Variants in CNTNAP2 observed in about 807,000 individuals in gnomAD.
CNTNAP2 encodes contactin associated protein 2.
CNTNAP2 carries 98 observed loss-of-function variants against 155.2 expected under a neutral mutation model. The observed-to-expected ratio is 0.63, with a 90% CI of 0.54 to 0.75. The LOEUF is 0.75. Among genes scored for constraint, CNTNAP2 ranks in the 30% least tolerant of loss-of-function variants. The probability of loss-of-function intolerance (pLI) is 0.00; values close to 1 mark genes in which losing one functional copy is unlikely to be tolerated. For missense variants in CNTNAP2, 1,727 were observed against 1,688.1 expected (o/e 1.02, Z -0.40); for synonymous variants, 651 against 631.2 (o/e 1.03, Z -0.47).
At chr7:146,382,421 C>A (rs1449004671) in intron 1 of CNTNAP2, among the ~76,000 whole-genome samples, 1 of 152,106 alleles carries the variant, frequency 6.6e-6, no homozygotes, top group Admixed American at 6.5e-5. Flanking sequence ...TGTGCTATTT[C>A]ATTTTTATCT....
intron 8 of CNTNAP2, among the ~76,000 whole-genome samples, chr7:147,291,196 C>T (rs948841346): frequency 2.0e-5 from 3 of 151,608 alleles, no homozygotes; most frequent in Non-Finnish European, 2.9e-5. Flanking sequence ...ATACATGTGC[C>T]GAACGTACAG....
intron 21 of CNTNAP2, among the ~76,000 whole-genome samples, chr7:148,308,904 A>G (rs1166472908): frequency 2.0e-5 from 3 of 151,982 alleles, no homozygotes; most frequent in Non-Finnish European, 4.4e-5. Context: ...AAGGACGTGA[A>G]CTCATCCTTT....
intron 1 of CNTNAP2, among the ~76,000 whole-genome samples, chr7:146,407,477 T>G (rs540862793): frequency 2.0e-5 from 3 of 152,284 alleles, no homozygotes; most frequent in African/African-American, 7.2e-5. Flanking sequence ...ACTGTTATAG[T>G]GTATTACTGT....
At chr7:148,014,275 A>G (rs1257653837) in intron 15 of CNTNAP2, 1 of 84,002 alleles carries the variant, frequency 1.2e-5, no homozygotes, top group Non-Finnish European at 2.4e-5. Flanking sequence ...GCAAGTAAAC[A>G]TAAAAAAAAA....
chr7:146,534,153 T>C (rs941263924), intron 1 of CNTNAP2, among the ~76,000 whole-genome samples: 2 of 152,072 alleles, frequency 1.3e-5, no homozygotes, highest in African/African-American at 2.4e-5. Flanking sequence ...AAACAGTCTG[T>C]ATAGGAGAAA....
intron 13 of CNTNAP2, among the ~76,000 whole-genome samples, chr7:147,795,047 A>G (rs1345025985): frequency 1.3e-5 from 2 of 151,646 alleles, no homozygotes; most frequent in African/African-American, 4.8e-5. Flanking sequence ...AGTTTTGATT[A>G]TGTTAACTAT....
At position 148,195,367 on chromosome 7, in the gene CNTNAP2, GA is replaced by G. The variant is rs531494008; in HGVS notation, c.3011-21914del. ...TTTTTCATGTGAGTTTTCCATCTCTGAAAAAAATAGGAAAAGAAAAGACAAG... is the reference window on the plus strand; with the variant it reads ...TTTTTCATGTGAGTTTTCCATCTCTGAAAAAATAGGAAAAGAAAAGACAAG... On this transcript the variant is annotated intron_variant, in intron 18 of 23. Coordinates refer to ENST00000361727, the MANE Select transcript of CNTNAP2 (RefSeq NM_014141.6). Among the ~76,000 whole-genome samples the G allele has an allele frequency of 3.9e-4, 59 of 152,124 alleles. No homozygotes were observed. In the South Asian group the frequency reaches 5.2e-3, roughly 13 times the overall value.
intron 1 of CNTNAP2, among the ~76,000 whole-genome samples, chr7:146,133,989 G>A (rs1286851431): frequency 2.0e-5 from 3 of 149,738 alleles, no homozygotes; most frequent in Non-Finnish European, 3.0e-5. Context: ...CATTGAATCT[G>A]TAAATTACCT....
At chr7:147,850,443 G>T (rs982033373) in intron 13 of CNTNAP2, among the ~76,000 whole-genome samples, 8 of 152,158 alleles carry the variant, frequency 5.3e-5, no homozygotes, top group African/African-American at 1.9e-4. Context: ...AACCAAAAAA[G>T]AGCCCGCATT....
intron 1 of CNTNAP2, among the ~76,000 whole-genome samples, chr7:146,516,753 A>C (rs758467631): frequency 3.8e-4 from 57 of 151,964 alleles, no homozygotes; most frequent in Non-Finnish European, 6.5e-4. Flanking sequence ...AGGTTTATGA[A>C]TCTCCCCTCT....
At chr7:147,802,143 G>T (rs1349136323) in intron 13 of CNTNAP2, among the ~76,000 whole-genome samples, 1 of 150,236 alleles carries the variant, frequency 6.7e-6, no homozygotes, top group Non-Finnish European at 1.5e-5. Flanking sequence ...AGACGGGGTC[G>T]CGGCCGGGCA....
intron 1 of CNTNAP2, among the ~76,000 whole-genome samples, chr7:146,195,581 ACT>A: frequency 6.6e-6 from 1 of 152,108 alleles, no homozygotes; most frequent in Non-Finnish European, 1.5e-5. Context: ...TTTGGAAAAG[ACT>A]CTGTTAATAG....
chr7:147,724,551 T>C (rs1319662708), intron 13 of CNTNAP2, among the ~76,000 whole-genome samples: 1 of 152,062 alleles, frequency 6.6e-6, no homozygotes, highest in African/African-American at 2.4e-5. Flanking sequence ...GAGGTGTTGT[T>C]GTTTAAACCC....
intron 8 of CNTNAP2, among the ~76,000 whole-genome samples, chr7:147,228,185 G>C (rs1032087682): frequency 6.6e-6 from 1 of 152,146 alleles, no homozygotes; most frequent in African/African-American, 2.4e-5. Flanking sequence ...AAGAATGAAA[G>C]TAAAAAGCTA....
In CNTNAP2 at chr7:148,330,551, G is replaced by A. The variant is rs1041555563; in HGVS notation, c.3476-53098G>A. The stretch of plus-strand genomic sequence containing the variant: ...GATGGAATGGATAGATGGAGTGCAC[G>A]GATGGATAGAGTGGATGGATGGAGT... On this transcript the variant is annotated intron_variant, in intron 21 of 23. Transcript: ENST00000361727. Among the ~76,000 whole-genome samples the A allele has an allele frequency of 6.2e-5, 9 of 145,066 alleles. No individual in the cohort carries two copies. The South Asian group carries it at 8.7e-4, about 14-fold the overall frequency.
intron 1 of CNTNAP2, among the ~76,000 whole-genome samples, chr7:146,732,444 T>A (rs1322302471): frequency 1.3e-5 from 2 of 152,296 alleles, no homozygotes; most frequent in South Asian, 2.1e-4. Flanking sequence ...GTATGTCAGA[T>A]GCTTTTCTCA....
intron 2 of CNTNAP2, among the ~76,000 whole-genome samples, chr7:146,835,716 ACATCCTGAGATGAAAAATAG>A (rs1803603994): frequency 6.6e-6 from 1 of 152,206 alleles, no homozygotes; most frequent in Admixed American, 6.5e-5. Flanking sequence ...TCCAGGATAC[ACATCCTGAGATGAAAAATAG>A]CATCTAGGAA....
intron 3 of CNTNAP2, among the ~76,000 whole-genome samples, chr7:146,985,864 C>T (rs1372015688): frequency 6.6e-6 from 1 of 152,074 alleles, no homozygotes. Flanking sequence ...GTGTCCAAAC[C>T]CTGGCATTCA....
At chr7:146,549,156 T>C (rs912302222) in intron 1 of CNTNAP2, among the ~76,000 whole-genome samples, 1 of 151,912 alleles carries the variant, frequency 6.6e-6, no homozygotes, top group African/African-American at 2.4e-5. Context: ...CAAGCCATTT[T>C]AACAAGAATT....
Sources: gnomAD v4.1 joint callset for allele counts (sites outside exome capture counted in the v4.1 genomes callset) on GRCh38, gnomAD v4.1.1 for gene constraint, MANE v1.5 for transcripts, NCBI Gene and HGNC (gene_info 2026-07-23, HGNC 2026-07-21) for gene names.